SCG3: variants seen among roughly 807,000 people sequenced by gnomAD.
SCG3 encodes secretogranin III.
Under a neutral mutation model 56.2 loss-of-function variants are expected in SCG3, and 38 were observed. That is an observed-to-expected ratio of 0.68 (90% CI 0.52 to 0.89). The LOEUF (loss-of-function observed/expected upper bound fraction) is 0.89. Ranked by LOEUF, SCG3 falls within the 40% of genes least tolerant of loss-of-function variation. SCG3 has a pLI of 0.00. For missense variants in SCG3, 524 were observed against 540.7 expected (o/e 0.97, Z 0.31); for synonymous variants, 176 against 184.2 (o/e 0.96, Z 0.36).
intron 9 of SCG3, among the ~76,000 whole-genome samples, chr15:51,699,966 G>A (rs995859997): frequency 3.3e-5 from 5 of 152,094 alleles, no homozygotes; most frequent in Non-Finnish European, 7.3e-5. Flanking sequence ...TCAAGGAGGA[G>A]GGTGGAACAA....
Position 51,700,394 on chromosome 15 carries a change from T to C in SCG3, c.1070-713T>C, listed in dbSNP as rs75292630. 9.5e-3 allele frequency among the ~76,000 whole-genome samples: 1,440 copies of C among 152,338 alleles called. 55 individuals are homozygous for C. The East Asian group carries it at 0.11, about 12-fold the overall frequency. On this transcript the variant is annotated intron_variant, in intron 9 of 11. Coordinates refer to ENST00000220478, the MANE Select transcript of SCG3 (RefSeq NM_013243.4). ...ATATTTTATTGGCTACAGAAATGTA[T>C]TACAATTGTTTTCAAATGGTTACCT... is the stretch of plus-strand genomic sequence containing the variant.
At chr15:51,705,963 A>AC (rs2055372262) in intron 10 of SCG3, among the ~76,000 whole-genome samples, 1 of 152,226 alleles carries the variant, frequency 6.6e-6, no homozygotes. Flanking sequence ...TGGGATAAGG[A>AC]CAACTGACTC....
intron 11 of SCG3, among the ~76,000 whole-genome samples, chr15:51,716,950 G>T (rs2055460421): frequency 6.6e-6 from 1 of 152,242 alleles, no homozygotes; most frequent in African/African-American, 2.4e-5. Flanking sequence ...AGTGGGCCTG[G>T]TATGGTAGCT....
chr15:51,705,310 C>T (rs376293019), intron 10 of SCG3, among the ~76,000 whole-genome samples: 11 of 152,220 alleles, frequency 7.2e-5, no homozygotes, highest in African/African-American at 2.4e-5. Flanking sequence ...GGAATGGGTG[C>T]TGACATTTCT....
intron 7 of SCG3, chr15:51,695,672 G>A (rs2055298038): frequency 2.2e-6 from 1 of 456,238 alleles, no homozygotes; most frequent in African/African-American, 2.0e-5. Flanking sequence ...TTGAGTGCAG[G>A]AGATTAGTCT....
Position 51,692,215 on chromosome 15 carries a change from A to C in SCG3, c.747A>C (p.Val249=). The C allele has an allele frequency of 1.2e-6, 2 of 1,614,128 alleles. No homozygotes were observed. The highest frequency in any genetic ancestry group is 1.7e-6 in the Non-Finnish European group (2 of 1,179,958). Residue 249 remains valine, a synonymous_variant, in exon 7 of 12, where the codon GTA becomes GTC. Coordinates refer to ENST00000220478, the MANE Select transcript of SCG3 (RefSeq NM_013243.4). ...GLAKGENDET[V]SNTLTLTNGL... ...CTAAGGGAGAAAACGATGAAACAGT[A>C]TCTAACACATTAACCTTGACAAATG...
intron 10 of SCG3, among the ~76,000 whole-genome samples, chr15:51,704,244 C>CATACATATATATATATATATATATATAT (rs751546589): frequency 4.1e-5 from 3 of 73,628 alleles, no homozygotes; most frequent in Admixed American, 1.8e-4. Flanking sequence ...TACATACATA[C>CATACATATATATATATATATATATATAT]ATATATATAT....
intron 10 of SCG3, among the ~76,000 whole-genome samples, chr15:51,712,569 C>A (rs2055427171): frequency 6.6e-6 from 1 of 152,158 alleles, no homozygotes; most frequent in Admixed American, 6.5e-5. Flanking sequence ...TCCTGTGTAG[C>A]CTTAGCCTAC....
chr15:51,704,764 C>CATACATATATAT (rs572035996), intron 10 of SCG3, among the ~76,000 whole-genome samples: 37 of 67,046 alleles, frequency 5.5e-4, no homozygotes, highest in Non-Finnish European at 1.2e-3. Flanking sequence ...GTGAGTAATA[C>CATACATATATAT]ATATATATAT....
chr15:51,701,044 CT>C, intron 9 of SCG3, 62 bp from the exon 10 acceptor site: 1 of 1,588,190 alleles, frequency 6.3e-7, no homozygotes, highest in East Asian at 2.2e-5. Context: ...TTGATTTCTA[CT>C]TTAGGAACCA....
chr15:51,718,195 T>TAGACAGAC (rs1323956747), intron 11 of SCG3, among the ~76,000 whole-genome samples: 6 of 124,824 alleles, frequency 4.8e-5, no homozygotes, highest in African/African-American at 1.9e-4. Context: ...GATAGATAGA[T>TAGACAGAC]AGATAGACAG....
chr15:51,688,246 G>A lies in SCG3; in HGVS notation c.398-14G>A, dbSNP rs1009941670. 1.2e-6 allele frequency: 2 copies of A among 1,606,846 alleles called. No homozygotes were observed. Among genetic ancestry groups the A allele is most frequent in the Admixed American group, 1.7e-5 (1 of 59,582 alleles). ...ATGATCACTATGGTGTGAAGTTGTG[G>A]TCGTTCTGTCTAGATGATCCAGATG... On this transcript the variant is annotated splice_polypyrimidine_tract_variant and intron_variant, in intron 4 of 11. Coordinates refer to ENST00000220478, the MANE Select transcript of SCG3 (RefSeq NM_013243.4).
chr15:51,716,268 G>T (rs1333512356), intron 11 of SCG3, among the ~76,000 whole-genome samples: 1 of 152,198 alleles, frequency 6.6e-6, no homozygotes, highest in African/African-American at 2.4e-5. Flanking sequence ...CAGTATTAAT[G>T]AACCAGGAAT....
At chr15:51,682,862 T>G (rs1307283279) in intron 2 of SCG3, among the ~76,000 whole-genome samples, 1 of 152,212 alleles carries the variant, frequency 6.6e-6, no homozygotes, top group Non-Finnish European at 1.5e-5. Flanking sequence ...GATTTCTCTT[T>G]CAACAATATT....
intron 10 of SCG3, chr15:51,713,050 C>A: frequency 7.4e-6 from 2 of 268,534 alleles, no homozygotes; most frequent in South Asian, 8.2e-5. Flanking sequence ...TCTGCCAGGA[C>A]ATCAAGGTGG....
intron 8 of SCG3, 45 bp downstream of exon 8, chr15:51,696,036 T>C: frequency 8.8e-7 from 1 of 1,130,808 alleles, no homozygotes; most frequent in Non-Finnish European, 1.3e-6. Flanking sequence ...GTTTTCATTG[T>C]TCAAAGTAAA....
Position 51,683,376 on chromosome 15 carries a change from T to A in SCG3, c.339T>A (p.Asn113Lys), listed in dbSNP as rs1381082286. 6.2e-7 allele frequency: 1 copy of A among 1,613,630 alleles called. No homozygotes were observed. Among genetic ancestry groups the A allele is most frequent in the Non-Finnish European group, 8.5e-7 (1 of 1,179,836 alleles). ...TGGAAGATGTTGATTCAACCAAGAA[T>A]CGAAAACTGATCGATGATTATGACT... Reference protein sequence around the residue: ...LNVEDVDSTKNRKLIDDYDST... With the variant: ...LNVEDVDSTKKRKLIDDYDST... Residue 113 changes from asparagine (N) to lysine (K), a missense_variant, in exon 4 of 12, where the codon AAT becomes AAA. Coordinates refer to ENST00000220478, the MANE Select transcript of SCG3 (RefSeq NM_013243.4).
In SCG3 at chr15:51,682,518, C is replaced by G. The variant is rs766052539; in HGVS notation, c.84C>G (p.Asp28Glu). ...QAFPKPGGSQ[D>E]KSLHNRELSA... ...TATATTCACATGTGTTTATTCTAGA[C>G]AAATCTCTACATAATAGAGAATTAA... The change falls in exon 2 of 12, where the codon GAC becomes GAG. Residue 28 changes from aspartate to glutamate, a missense_variant and splice_region_variant. Coordinates refer to ENST00000220478, the MANE Select transcript of SCG3 (RefSeq NM_013243.4). The G allele has an allele frequency of 1.1e-5, 16 of 1,435,862 alleles. No homozygotes were observed. The East Asian group carries it at 4.1e-4, about 37-fold the overall frequency. The allele number at this position is 1,435,862 out of a possible 1,614,324, so 88.9% of individuals were successfully genotyped here. A position where few individuals can be genotyped will look rare whatever the true frequency, so the allele number is the denominator to read the frequency against.
rs547131385 is a variant in SCG3, at chr15:51,692,031, C to A, written c.691-128C>A. 14 of 821,318 alleles carry A rather than the reference C, an allele frequency of 1.7e-5. No individual in the cohort carries two copies. The South Asian group carries it at 2.6e-4, about 15-fold the overall frequency. The allele number at this position is 821,318 out of a possible 1,614,324, so 50.9% of individuals were successfully genotyped here. ...ATATCTAGAAATGGGTTTGAACCTG[C>A]AGGAGCTTGCAAACGAGGGGGAATT... On this transcript the variant is annotated intron_variant, in intron 6 of 11. Coordinates refer to ENST00000220478, the MANE Select transcript of SCG3 (RefSeq NM_013243.4).
Sources: gnomAD v4.1 joint callset for allele counts (sites outside exome capture counted in the v4.1 genomes callset) on GRCh38, gnomAD v4.1.1 for gene constraint, MANE v1.5 for transcripts, NCBI Gene and HGNC (gene_info 2026-07-23, HGNC 2026-07-21) for gene names.